BCAS3: variants seen among roughly 807,000 people sequenced by gnomAD.
The protein encoded by BCAS3 is BCAS3 microtubule associated cell migration factor.
BCAS3 carries 53 observed loss-of-function variants against 116.1 expected under a neutral mutation model. The observed-to-expected ratio is 0.46, with a 90% confidence interval of 0.37 to 0.57. The LOEUF is 0.57. BCAS3 is among the 20% of genes least tolerant of loss of function. The pLI is 0.00. For missense variants in BCAS3, 917 were observed against 1,165.4 expected, an observed-to-expected ratio of 0.79 and a Z score of 3.10; for synonymous variants, 391 against 408.2, an observed-to-expected ratio of 0.96 and a Z score of 0.51.
At chr17:60,978,726 G>A (rs1600174259) in intron 14 of BCAS3, among the ~76,000 whole-genome samples, 1 of 151,764 alleles carries the variant, frequency 6.6e-6, no homozygotes, top group Non-Finnish European at 1.5e-5. Flanking sequence ...CATATGGCTA[G>A]CCAGTTTTCC....
chr17:61,050,279 T>C (rs969997225), intron 19 of BCAS3, among the ~76,000 whole-genome samples: 10 of 152,046 alleles, frequency 6.6e-5, no homozygotes, highest in African/African-American at 2.4e-4. Context: ...GGATGAGATA[T>C]TTTTCTAATT....
intron 11 of BCAS3, among the ~76,000 whole-genome samples, chr17:60,908,993 A>G (rs1425582054): frequency 6.6e-6 from 1 of 152,176 alleles, no homozygotes; most frequent in Non-Finnish European, 1.5e-5. Context: ...AGATGGTCCC[A>G]GTTTTGAATT....
intron 7 of BCAS3, among the ~76,000 whole-genome samples, chr17:60,834,272 G>A (rs1412938190): frequency 1.3e-5 from 2 of 151,948 alleles, no homozygotes; most frequent in Non-Finnish European, 2.9e-5. Context: ...ATAAGCAAAA[G>A]CTTAGATTTT....
intron 19 of BCAS3, among the ~76,000 whole-genome samples, chr17:61,044,151 A>T (rs972586164): frequency 2.6e-5 from 4 of 152,054 alleles, no homozygotes; most frequent in South Asian, 2.1e-4. Context: ...CAGAAAAAAA[A>T]ATATGCCTTA....
At chr17:61,274,001 C>T (rs2050546800) in intron 22 of BCAS3, among the ~76,000 whole-genome samples, 1 of 150,214 alleles carries the variant, frequency 6.7e-6, no homozygotes, top group Non-Finnish European at 1.5e-5. Context: ...GGTACATGTG[C>T]ACAACGTGCA....
Position 61,363,865 on chromosome 17 carries a change from T to A in BCAS3, c.2426-4462T>A, listed in dbSNP as rs554639235. On this transcript the variant is annotated intron_variant, in intron 22 of 23. Coordinates refer to ENST00000407086, the MANE Select transcript of BCAS3 (RefSeq NM_017679.5). This position sits in a 1 kb window ranked among gnomAD's most constrained non-coding sequence, Gnocchi z 4.9. The stretch of plus-strand genomic sequence containing the variant: ...CTGGGCTGGTCAGATGAATGATAGC[T>A]GTGCTGTCAACATGGACAAGATGTG... 1.3e-5 allele frequency among the ~76,000 whole-genome samples: 2 copies of A among 152,298 alleles called. No homozygotes were observed. The highest frequency in any genetic ancestry group is 3.9e-4 in the East Asian group (2 of 5,180).
At chr17:60,932,623 T>C (rs1262434959) in intron 13 of BCAS3, among the ~76,000 whole-genome samples, 1 of 151,330 alleles carries the variant, frequency 6.6e-6, no homozygotes, top group African/African-American at 2.4e-5. Flanking sequence ...GCACCTGTAG[T>C]CTCAGCTGCT....
At chr17:60,833,405 A>G (rs2144732013) in intron 7 of BCAS3, among the ~76,000 whole-genome samples, 1 of 152,360 alleles carries the variant, frequency 6.6e-6, no homozygotes, top group South Asian at 2.1e-4. Context: ...TTTAATTTTT[A>G]AAAGCAGAAT....
intron 5 of BCAS3, among the ~76,000 whole-genome samples, chr17:60,711,482 T>A (rs757842965): frequency 6.6e-6 from 1 of 152,078 alleles, no homozygotes; most frequent in Non-Finnish European, 1.5e-5. Context: ...ACAGAGGAAG[T>A]TATACCTTTA....
intron 5 of BCAS3, among the ~76,000 whole-genome samples, chr17:60,716,239 G>A (rs1199857689): frequency 6.6e-6 from 1 of 152,162 alleles, no homozygotes; most frequent in African/African-American, 2.4e-5. Context: ...AATAGATGTG[G>A]TCTTTGCTGT....
chr17:61,340,657 A>G (rs1457551503), intron 22 of BCAS3, among the ~76,000 whole-genome samples: 2 of 152,146 alleles, frequency 1.3e-5, no homozygotes, highest in Non-Finnish European at 2.9e-5. Context: ...AGTTGGATTT[A>G]ACAAGGTTGT....
chr17:61,199,637 A>C lies in BCAS3; in HGVS notation c.2425+115073A>C, dbSNP rs958218874. Among the ~76,000 whole-genome samples the C allele has an allele frequency of 6.6e-6, 1 of 152,224 alleles. No individual in the cohort carries two copies. The highest frequency in any genetic ancestry group is 2.4e-5 in the African/African-American group (1 of 41,466). On this transcript the variant is annotated intron_variant, in intron 22 of 23. Transcript: ENST00000407086. The surrounding 1 kb of genome is among the most constrained non-coding windows in gnomAD (Gnocchi z 4.6). ...AAATACTTGCAAGGTGGACAATGTT[A>C]ACTTTGAACAGTGAACACAAAGGGT...
rs560867475 is a variant in BCAS3, at chr17:61,048,748, G to C, written c.2029+7856G>C. 5.9e-5 allele frequency among the ~76,000 whole-genome samples: 9 copies of C among 152,010 alleles called. No homozygotes were observed. In the East Asian group the frequency reaches 1.2e-3, roughly 20 times the overall value. Reference sequence around the variant, plus strand: ...GGGGAGATCTTCACAGAGAAAAAATGCTGAAGACTGCAGAGGGTCCTTTTC... The same window carrying C: ...GGGGAGATCTTCACAGAGAAAAAATCCTGAAGACTGCAGAGGGTCCTTTTC... On this transcript the variant is annotated intron_variant, in intron 19 of 23. Transcript: ENST00000407086.
intron 5 of BCAS3, among the ~76,000 whole-genome samples, chr17:60,716,975 G>A (rs1440088131): frequency 6.6e-6 from 1 of 152,090 alleles, no homozygotes; most frequent in African/African-American, 2.4e-5. Flanking sequence ...TTTCCATTCT[G>A]GTAGGTGGGG....
chr17:61,311,603 A>G (rs760261269), intron 22 of BCAS3, among the ~76,000 whole-genome samples: 8 of 152,130 alleles, frequency 5.3e-5, no homozygotes, highest in Non-Finnish European at 8.8e-5. Flanking sequence ...CCCTTAAAAT[A>G]TAGGGCAGAG....
intron 7 of BCAS3, among the ~76,000 whole-genome samples, chr17:60,849,168 G>T (rs1294753775): frequency 6.6e-6 from 1 of 152,150 alleles, no homozygotes; most frequent in African/African-American, 2.4e-5. Flanking sequence ...ACTAGGCCAG[G>T]CTAGCAAGCT....
intron 7 of BCAS3, among the ~76,000 whole-genome samples, chr17:60,817,325 G>A (rs1300366582): frequency 6.6e-6 from 1 of 152,128 alleles, no homozygotes; most frequent in African/African-American, 2.4e-5. Flanking sequence ...GGAAACCAAA[G>A]TTTATTGTGT....
chr17:60,895,712 G>A (rs1232317009), intron 10 of BCAS3, among the ~76,000 whole-genome samples: 2 of 152,066 alleles, frequency 1.3e-5, no homozygotes, highest in Non-Finnish European at 2.9e-5. Context: ...ACCTTTTGCT[G>A]TATTCCACAG....
intron 9 of BCAS3, among the ~76,000 whole-genome samples, chr17:60,888,321 A>G (rs1178182942): frequency 6.6e-6 from 1 of 152,174 alleles, no homozygotes; most frequent in Non-Finnish European, 1.5e-5. Context: ...GAGTTAGATT[A>G]TTTAGTTTTA....
Sources: gnomAD v4.1 joint callset for allele counts (sites outside exome capture counted in the v4.1 genomes callset) on GRCh38, gnomAD v4.1.1 for gene constraint, Gnocchi (gnomAD v3.1) non-coding constraint, MANE v1.5 for transcripts, NCBI Gene and HGNC (gene_info 2026-07-23, HGNC 2026-07-21) for gene names.